The following SUFU variants were observed in gnomAD, a reference collection of about 807,000 sequenced individuals.
The protein encoded by SUFU is SUFU negative regulator of hedgehog signaling.
In SUFU, 7 loss-of-function variants were observed where a neutral mutation model predicts 58.9. That is an observed-to-expected ratio of 0.12 (90% confidence interval 0.07 to 0.22). The LOEUF (loss-of-function observed/expected upper bound fraction) is 0.22. SUFU is among the 10% of genes least tolerant of loss of function. The pLI is 1.00. For synonymous variants in SUFU, 232 were observed against 254.8 expected (o/e 0.91, Z 0.85); for missense variants, 451 against 641.3 (o/e 0.70, Z 3.20).
chr10:102,624,375 A>G (rs1205643560), intron 10 of SUFU, among the ~76,000 whole-genome samples: 2 of 152,232 alleles, frequency 1.3e-5, no homozygotes, highest in African/African-American at 4.8e-5. Context: ...TACAAAGAAC[A>G]GGGCCTGTTT....
At chr10:102,520,212 C>T (rs1239801502) in intron 2 of SUFU, among the ~76,000 whole-genome samples, 5 of 113,552 alleles carry the variant, frequency 4.4e-5, no homozygotes, top group African/African-American at 1.3e-4. Context: ...TTTTTTCTTT[C>T]TTTTTTTTTT....
chr10:102,612,998 G>A (rs2063642151), intron 8 of SUFU, among the ~76,000 whole-genome samples: 1 of 152,134 alleles, frequency 6.6e-6, no homozygotes, highest in Non-Finnish European at 1.5e-5. Context: ...TGGGCCCTGA[G>A]GGCACCCTAT....
At chr10:102,522,339 G>A (rs546703936) in intron 2 of SUFU, among the ~76,000 whole-genome samples, 2 of 152,246 alleles carry the variant, frequency 1.3e-5, no homozygotes, top group East Asian at 3.9e-4. Flanking sequence ...CTGTCCTGAG[G>A]GGTTGTGTTC....
At chr10:102,571,270 G>A (rs2135802580) in intron 3 of SUFU, among the ~76,000 whole-genome samples, 1 of 152,328 alleles carries the variant, frequency 6.6e-6, no homozygotes, top group East Asian at 1.9e-4. Flanking sequence ...ACACTAAGAT[G>A]GCCAGTGACT....
chr10:102,503,490 A>T (rs1015536299), upstream of SUFU, among the ~76,000 whole-genome samples: 2 of 152,192 alleles, frequency 1.3e-5, no homozygotes, highest in Non-Finnish European at 2.9e-5. Context: ...GTTATGTGTC[A>T]CTGCTTTCAA....
At chr10:102,519,137 CAAAAA>C (rs386372286) in intron 2 of SUFU, among the ~76,000 whole-genome samples, 77 of 86,764 alleles carry the variant, frequency 8.9e-4, no homozygotes, top group Non-Finnish European at 1.5e-3. Context: ...GACTCTGTCT[CAAAAA>C]AAAAAAAAAA....
At chr10:102,547,720 G>A (rs1195572766) in intron 2 of SUFU, among the ~76,000 whole-genome samples, 1 of 152,136 alleles carries the variant, frequency 6.6e-6, no homozygotes, top group South Asian at 2.1e-4. Flanking sequence ...TACTTGGGAG[G>A]TTGAGGTGGA....
At position 102,509,265 on chromosome 10, in the gene SUFU, C is replaced by T. The variant is rs770218907; in HGVS notation, c.279C>T (p.Phe93=). The T allele has an allele frequency of 1.7e-5, 27 of 1,614,068 alleles. No homozygotes were observed. Among genetic ancestry groups the T allele is most frequent in the Admixed American group, 3.3e-5 (2 of 59,996 alleles). ...NIPEHWHYIS[F]GLSDLYGDNR... ...CCGAGCACTGGCACTACATCAGCTT[C>T]GGCCTGAGTGATCTCTATGGTGACA... Residue 93 remains phenylalanine (F), a synonymous_variant, in exon 2 of 12, where the codon TTC becomes TTT. Transcript: ENST00000369902.
chr10:102,611,984 C>A (rs143604876), intron 8 of SUFU, among the ~76,000 whole-genome samples: 128 of 152,336 alleles, frequency 8.4e-4, no homozygotes, highest in African/African-American at 2.9e-3. Flanking sequence ...AACAGCCCAG[C>A]TGAAAAATTA....
intron 3 of SUFU, among the ~76,000 whole-genome samples, chr10:102,571,427 G>A (rs1439285285): frequency 1.3e-5 from 2 of 152,212 alleles, no homozygotes; most frequent in Non-Finnish European, 2.9e-5. Flanking sequence ...CACTTTGGGA[G>A]GCTGAGGTGG....
intron 8 of SUFU, among the ~76,000 whole-genome samples, chr10:102,600,826 A>G (rs2063508898): frequency 1.3e-5 from 2 of 152,212 alleles, no homozygotes; most frequent in Admixed American, 1.3e-4. Context: ...AAAAGCCTGG[A>G]GAAGCCTCCA....
intron 7 of SUFU, among the ~76,000 whole-genome samples, chr10:102,597,657 C>T (rs2135883582): frequency 1.3e-5 from 2 of 152,402 alleles, no homozygotes; most frequent in East Asian, 1.9e-4. Context: ...ACGGAATTGA[C>T]ACAGGGCCCA....
chr10:102,621,942 G>T (rs1219774888), intron 10 of SUFU, among the ~76,000 whole-genome samples: 2 of 152,214 alleles, frequency 1.3e-5, no homozygotes, highest in Non-Finnish European at 2.9e-5. Context: ...AGCCTGGCTT[G>T]CCCAGGGCAG....
chr10:102,529,973 G>A (rs1193026739), intron 2 of SUFU, among the ~76,000 whole-genome samples: 1 of 151,550 alleles, frequency 6.6e-6, no homozygotes, highest in Admixed American at 6.6e-5. Flanking sequence ...AAAAAGGAAA[G>A]TTGCACACTA....
chr10:102,575,379 G>A (rs2135814112), intron 3 of SUFU, among the ~76,000 whole-genome samples: 1 of 152,278 alleles, frequency 6.6e-6, no homozygotes, highest in East Asian at 1.9e-4. Context: ...CAGTTATGGA[G>A]GCTGAGAAGT....
chr10:102,597,110 A>G, intron 6 of SUFU, 30 bp from the exon 7 acceptor site: 2 of 1,613,826 alleles, frequency 1.2e-6, no homozygotes, highest in South Asian at 1.1e-5. Flanking sequence ...TCTCTGAAAG[A>G]ACTCTGGCTC....
At chr10:102,503,885 C>T, upstream of SUFU, 1 of 449,196 alleles carries the variant, frequency 2.2e-6, no homozygotes, top group Non-Finnish European at 3.9e-6. Flanking sequence ...CTGTGACTGG[C>T]ACAGACATTA....
chr10:102,619,220 C>A lies in SUFU; in HGVS notation c.1296+1792C>A. On this transcript the variant is annotated intron_variant, in intron 10 of 11. Coordinates refer to ENST00000369902, the MANE Select transcript of SUFU (RefSeq NM_016169.4). This position sits in a 1 kb window ranked among gnomAD's most constrained non-coding sequence, Gnocchi z 4.2. ...ACATTGCCCCTCAGTCCCCTGAATG[C>A]CCTTCGGACCCAACCCCAATTCCCC... The A allele has an allele frequency of 1.9e-6, 3 of 1,549,360 alleles. No homozygotes were observed. Among genetic ancestry groups the A allele is most frequent in the Non-Finnish European group, 2.6e-6 (3 of 1,151,500 alleles).
chr10:102,545,145 G>A (rs554585498), intron 2 of SUFU, among the ~76,000 whole-genome samples: 3 of 150,694 alleles, frequency 2.0e-5, no homozygotes, highest in African/African-American at 7.3e-5. Flanking sequence ...GTCTTACTCT[G>A]TCACCCAGGG....
Sources: gnomAD v4.1 joint callset for allele counts (sites outside exome capture counted in the v4.1 genomes callset) on GRCh38, gnomAD v4.1.1 for gene constraint, Gnocchi (gnomAD v3.1) non-coding constraint, MANE v1.5 for transcripts, NCBI Gene and HGNC (gene_info 2026-07-23, HGNC 2026-07-21) for gene names.